Variants in RCAN2 observed in about 807,000 individuals in gnomAD.
RCAN2 encodes the protein regulator of calcineurin 2, also known as calcipressin-2.
In RCAN2, 9 loss-of-function variants were observed where a neutral mutation model predicts 23.6. The ratio of observed to expected loss-of-function variants is 0.38; its 90% CI spans 0.23 to 0.67. The LOEUF is 0.67. Ranked by LOEUF, RCAN2 falls within the 30% of genes least tolerant of loss-of-function variation. RCAN2 has a pLI of 0.51. For missense variants in RCAN2, 273 were observed against 302.3 expected (o/e 0.90, Z 0.72); for synonymous variants, 109 against 115.7 (o/e 0.94, Z 0.37).
chr6:46,278,603 T>A (rs1444671493), intron 2 of RCAN2, among the ~76,000 whole-genome samples: 1 of 152,248 alleles, frequency 6.6e-6, no homozygotes, highest in Non-Finnish European at 1.5e-5. Flanking sequence ...AATTGTCCCA[T>A]TAGTGTTCCT....
chr6:46,333,947 T>A (rs938417377), intron 2 of RCAN2, among the ~76,000 whole-genome samples: 4 of 152,234 alleles, frequency 2.6e-5, no homozygotes, highest in African/African-American at 9.7e-5. Flanking sequence ...GTTCCTATGG[T>A]AAAGAGTCAC....
At chr6:46,338,122 G>C (rs540900210) in intron 2 of RCAN2, among the ~76,000 whole-genome samples, 9 of 152,270 alleles carry the variant, frequency 5.9e-5, no homozygotes, top group African/African-American at 1.2e-4. Context: ...AATATCTTTG[G>C]CTAAGTAGCA....
intron 2 of RCAN2, among the ~76,000 whole-genome samples, chr6:46,422,475 C>T (rs752556844): frequency 2.0e-5 from 3 of 151,798 alleles, no homozygotes; most frequent in Non-Finnish European, 2.9e-5. Context: ...GAAAGAGAAG[C>T]TAGTAAAAGA....
intron 2 of RCAN2, among the ~76,000 whole-genome samples, chr6:46,285,249 A>G (rs1483804073): frequency 6.6e-6 from 1 of 152,208 alleles, no homozygotes; most frequent in Non-Finnish European, 1.5e-5. Context: ...GCTTAATCAA[A>G]TGGATGTTTA....
chr6:46,274,831 G>T (rs1767640081), intron 2 of RCAN2, among the ~76,000 whole-genome samples: 3 of 152,220 alleles, frequency 2.0e-5, no homozygotes, highest in South Asian at 4.1e-4. Context: ...TCCAAGAGGG[G>T]TACAGAGGTA....
chr6:46,237,863 A>G (rs151176233), intron 4 of RCAN2, among the ~76,000 whole-genome samples: 1 of 152,296 alleles, frequency 6.6e-6, no homozygotes, highest in Non-Finnish European at 1.5e-5. Flanking sequence ...GTTAAGAAGA[A>G]CCAGGACCCA....
At chr6:46,325,758 C>T in intron 2 of RCAN2, 1 of 1,227,736 alleles carries the variant, frequency 8.1e-7, no homozygotes, top group Non-Finnish European at 1.0e-6. Flanking sequence ...AGCCTTTTAT[C>T]TCTAGGCAGT....
At chr6:46,379,938 G>A (rs1379919730) in intron 2 of RCAN2, among the ~76,000 whole-genome samples, 2 of 152,162 alleles carry the variant, frequency 1.3e-5, no homozygotes, top group African/African-American at 4.8e-5. Flanking sequence ...TGCAGCTAAA[G>A]GACAGAAGCT....
chr6:46,460,352 G>A (rs1352539433), intron 1 of RCAN2, among the ~76,000 whole-genome samples: 1 of 152,172 alleles, frequency 6.6e-6, no homozygotes, highest in Non-Finnish European at 1.5e-5. Context: ...GTCAGACACT[G>A]TGCCCAGCCT....
intron 2 of RCAN2, among the ~76,000 whole-genome samples, chr6:46,254,606 C>T (rs1053312114): frequency 1.1e-4 from 17 of 152,038 alleles, no homozygotes; most frequent in East Asian, 3.9e-4. Context: ...TGGGCAGTCA[C>T]GGTCACAAGC....
intron 2 of RCAN2, among the ~76,000 whole-genome samples, chr6:46,423,181 G>A (rs576725934): frequency 1.3e-4 from 20 of 152,210 alleles, no homozygotes; most frequent in African/African-American, 4.3e-4. Flanking sequence ...GATTGTTTAG[G>A]TGATTCCAAG....
At chr6:46,357,825 GACA>G (rs1235878553) in intron 2 of RCAN2, among the ~76,000 whole-genome samples, 2 of 152,164 alleles carry the variant, frequency 1.3e-5, no homozygotes, top group Admixed American at 6.5e-5. Flanking sequence ...GGGAAATGCA[GACA>G]ATATAAAGAA....
At chr6:46,383,168 AGTGTGTGTGTGTGTGTGT>A (rs71305761) in intron 2 of RCAN2, among the ~76,000 whole-genome samples, 2 of 139,312 alleles carry the variant, frequency 1.4e-5, no homozygotes, top group African/African-American at 2.6e-5. Context: ...CAGCCTGGGT[AGTGTGTGTGTGTGTGTGT>A]GTGTGTGTGT....
chr6:46,353,514 C>T (rs577228300), intron 2 of RCAN2, among the ~76,000 whole-genome samples: 1 of 152,280 alleles, frequency 6.6e-6, no homozygotes, highest in South Asian at 2.1e-4. Flanking sequence ...AAGAAGAAAT[C>T]TACTCTTTGT....
intron 2 of RCAN2, among the ~76,000 whole-genome samples, chr6:46,401,789 C>T (rs1766255011): frequency 6.6e-6 from 1 of 152,218 alleles, no homozygotes; most frequent in African/African-American, 2.4e-5. Flanking sequence ...TGCCTTCCTT[C>T]TGTTCCCATG....
At chr6:46,317,607 G>A (rs746765247) in intron 2 of RCAN2, among the ~76,000 whole-genome samples, 7 of 152,008 alleles carry the variant, frequency 4.6e-5, no homozygotes, top group Non-Finnish European at 8.8e-5. Context: ...GAGTACAGGC[G>A]CCTGTCACCA....
Position 46,223,158 on chromosome 6 carries a change from G to T in RCAN2, c.715C>A (p.Pro239Thr), listed in dbSNP as rs1238898437. 9 of 1,613,364 alleles carry T rather than the reference G, an allele frequency of 5.6e-6. No individual in the cohort carries two copies. Among genetic ancestry groups the T allele is most frequent in the Non-Finnish European group, 7.6e-6 (9 of 1,179,964 alleles). Reference protein sequence around the residue: ...IIQTRRPGLPPSVSN With the variant: ...IIQTRRPGLPTSVSN ...CAGGCAGCTCAGTTGGACACGGAGG[G>T]TGGCAGGCCAGGACGCCGAGTTTGG... The change falls in exon 5 of 5, where the codon CCC (proline) becomes ACC (threonine). Residue 239 changes from proline (P) to threonine (T), a missense_variant. By Grantham distance (38) the Pro-to-Thr change is conservative. Transcript: ENST00000371374.
At chr6:46,468,367 C>G (rs2150439652) in intron 1 of RCAN2, among the ~76,000 whole-genome samples, 1 of 152,274 alleles carries the variant, frequency 6.6e-6, no homozygotes, top group East Asian at 1.9e-4. Flanking sequence ...CTGCTTCAAT[C>G]TTATAGTCTT....
chr6:46,456,154 T>G (rs1031097971), intron 2 of RCAN2, among the ~76,000 whole-genome samples: 1 of 152,184 alleles, frequency 6.6e-6, no homozygotes, highest in Non-Finnish European at 1.5e-5. Context: ...ATAGACAACC[T>G]CATTCCCCTA....
Sources: gnomAD v4.1 joint callset for allele counts (sites outside exome capture counted in the v4.1 genomes callset) on GRCh38, gnomAD v4.1.1 for gene constraint, MANE v1.5 for transcripts, NCBI Gene and HGNC (gene_info 2026-07-23, HGNC 2026-07-21) for gene names.